FHIT: variants seen among roughly 807,000 people sequenced by gnomAD.
The protein encoded by FHIT is fragile histidine triad diadenosine triphosphatase, also known as bis(5'-adenosyl)-triphosphatase.
FHIT carries 19 observed loss-of-function variants against 17.9 expected under a neutral mutation model. The observed-to-expected ratio is 1.06, with a 90% CI of 0.74 to 1.56. The LOEUF (loss-of-function observed/expected upper bound fraction) is 1.56, where lower values mean the gene tolerates loss of function less well. Ranked by LOEUF, FHIT falls within the 40% of genes most tolerant of loss-of-function variation. The pLI, the probability that FHIT is intolerant of heterozygous loss-of-function variation, is 0.00. For synonymous variants in FHIT, 81 were observed against 69.7 expected (o/e 1.16, Z -0.81); for missense variants, 248 against 189.2 (o/e 1.31, Z -1.82).
At chr3:60,649,189 A>T (rs1269224097) in intron 4 of FHIT, among the ~76,000 whole-genome samples, 5 of 152,116 alleles carry the variant, frequency 3.3e-5, no homozygotes, top group Non-Finnish European at 5.9e-5. Context: ...CCAGGTCAGG[A>T]GATCGAGACC....
intron 5 of FHIT, among the ~76,000 whole-genome samples, chr3:60,494,476 A>G (rs929100165): frequency 6.6e-6 from 1 of 152,168 alleles, no homozygotes; most frequent in Non-Finnish European, 1.5e-5. Context: ...CAAACAATCA[A>G]ATTATACTCT....
At chr3:60,221,269 C>A (rs375939005) in intron 5 of FHIT, among the ~76,000 whole-genome samples, 4 of 152,020 alleles carry the variant, frequency 2.6e-5, no homozygotes, top group Non-Finnish European at 5.9e-5. Flanking sequence ...GTTTTCAGAA[C>A]GTTTTTTTCC....
intron 7 of FHIT, among the ~76,000 whole-genome samples, chr3:59,971,043 T>C (rs750213067): frequency 1.3e-4 from 19 of 151,992 alleles, no homozygotes; most frequent in Non-Finnish European, 2.2e-4. Flanking sequence ...AGAGCCCAGA[T>C]TGGAGGTCTG....
intron 5 of FHIT, among the ~76,000 whole-genome samples, chr3:60,482,798 G>C (rs1038727085): frequency 6.6e-6 from 1 of 151,546 alleles, no homozygotes; most frequent in Non-Finnish European, 1.5e-5. Flanking sequence ...AAATCCAAAA[G>C]CCAGCAGAAG....
chr3:61,223,624 T>A (rs1281584528), intron 1 of FHIT, among the ~76,000 whole-genome samples: 1 of 152,244 alleles, frequency 6.6e-6, no homozygotes, highest in Non-Finnish European at 1.5e-5. Context: ...GAGTTGGAAC[T>A]GATGCAGCTT....
At chr3:60,732,475 G>A (rs1553711558) in intron 4 of FHIT, 2 of 703,636 alleles carry the variant, frequency 2.8e-6, no homozygotes, top group African/African-American at 1.8e-5. Context: ...TAATAATTCT[G>A]TGAAAGCAGG....
chr3:59,920,273 A>G (rs1010575069), intron 8 of FHIT, among the ~76,000 whole-genome samples: 12 of 152,298 alleles, frequency 7.9e-5, no homozygotes, highest in African/African-American at 1.9e-4. Context: ...CTAGACTTCA[A>G]TCTCTACATA....
At chr3:60,036,908 G>C (rs895164894) in intron 5 of FHIT, among the ~76,000 whole-genome samples, 1 of 152,156 alleles carries the variant, frequency 6.6e-6, no homozygotes, top group Admixed American at 6.5e-5. Context: ...ACCATCATTA[G>C]GAAATATCAG....
chr3:60,499,592 C>A (rs1186479763), intron 5 of FHIT, among the ~76,000 whole-genome samples: 1 of 152,072 alleles, frequency 6.6e-6, no homozygotes, highest in African/African-American at 2.4e-5. Flanking sequence ...GGGGTTTCAC[C>A]GTGGCCTTGA....
chr3:60,700,778 T>C (rs1553701919), intron 4 of FHIT, among the ~76,000 whole-genome samples: 1 of 152,208 alleles, frequency 6.6e-6, no homozygotes, highest in Non-Finnish European at 1.5e-5. Context: ...GAAAAGTATT[T>C]ATTTCATTGT....
At chr3:60,126,527 T>G (rs1192407004) in intron 5 of FHIT, among the ~76,000 whole-genome samples, 1 of 152,130 alleles carries the variant, frequency 6.6e-6, no homozygotes, top group Non-Finnish European at 1.5e-5. Flanking sequence ...CCATACAAGC[T>G]CTATAGAAGT....
chr3:59,771,833 A>C (rs1232924116), intron 8 of FHIT, among the ~76,000 whole-genome samples: 1 of 152,212 alleles, frequency 6.6e-6, no homozygotes, highest in African/African-American at 2.4e-5. Context: ...GCATGTCAGC[A>C]CTTTTTAGAA....
chr3:59,926,526 C>G (rs941711422), intron 7 of FHIT, among the ~76,000 whole-genome samples: 1 of 152,138 alleles, frequency 6.6e-6, no homozygotes, highest in South Asian at 2.1e-4. Context: ...CTGGGCCACT[C>G]TAACGTTTGA....
chr3:60,560,848 G>GAGAGAC (rs1559540550), intron 4 of FHIT, among the ~76,000 whole-genome samples: 1 of 143,088 alleles, frequency 7.0e-6, no homozygotes, highest in East Asian at 2.1e-4. Context: ...CACACACAGA[G>GAGAGAC]AGAGAGAGAG....
At chr3:61,208,009 G>T (rs1461959669) in intron 1 of FHIT, among the ~76,000 whole-genome samples, 1 of 152,054 alleles carries the variant, frequency 6.6e-6, no homozygotes, top group East Asian at 1.9e-4. Flanking sequence ...ATTCTGGTAT[G>T]TTGTGTCTTT....
intron 5 of FHIT, among the ~76,000 whole-genome samples, chr3:60,321,413 C>A (rs543532718): frequency 2.2e-4 from 33 of 152,242 alleles, no homozygotes; most frequent in African/African-American, 7.7e-4. Flanking sequence ...GAGGTCAAGT[C>A]TGCAGAGAGC....
At chr3:60,999,656 G>C (rs984736451) in intron 3 of FHIT, among the ~76,000 whole-genome samples, 1 of 151,848 alleles carries the variant, frequency 6.6e-6, no homozygotes, top group Admixed American at 6.6e-5. Flanking sequence ...TTGAAGAAAG[G>C]TTTAAAAGGA....
intron 5 of FHIT, among the ~76,000 whole-genome samples, chr3:60,356,053 T>C (rs1028214343): frequency 6.6e-6 from 1 of 152,206 alleles, no homozygotes; most frequent in Non-Finnish European, 1.5e-5. Flanking sequence ...AAGAACACTG[T>C]AGTTCACACT....
chr3:60,256,811 T>C (rs1706018827), intron 5 of FHIT, among the ~76,000 whole-genome samples: 1 of 152,166 alleles, frequency 6.6e-6, no homozygotes, highest in Non-Finnish European at 1.5e-5. Context: ...TCTAGTTTCT[T>C]TCTCTTCAAC....
Sources: gnomAD v4.1 joint callset for allele counts (sites outside exome capture counted in the v4.1 genomes callset) on GRCh38, gnomAD v4.1.1 for gene constraint, MANE v1.5 for transcripts, NCBI Gene and HGNC (gene_info 2026-07-23, HGNC 2026-07-21) for gene names.